Variants in PID1 observed in about 807,000 individuals in gnomAD.
The protein encoded by PID1 is PTB-containing, cubilin and LRP1-interacting protein.
PID1 carries 10 observed loss-of-function variants against 19.1 expected under a neutral mutation model. The ratio of observed to expected loss-of-function variants is 0.52; its 90% CI spans 0.32 to 0.89. The LOEUF (loss-of-function observed/expected upper bound fraction) is 0.89, where lower values mean the gene tolerates loss of function less well. PID1 is among the 40% of genes least tolerant of loss of function. PID1 has a pLI of 0.03. For synonymous variants in PID1, 130 were observed against 116.0 expected, an observed-to-expected ratio of 1.12 and a Z score of -0.78; for missense variants, 248 against 285.3, an observed-to-expected ratio of 0.87 and a Z score of 0.94.
chr2:229,159,430 G>A (rs2106199067), intron 1 of PID1, among the ~76,000 whole-genome samples: 1 of 152,238 alleles, frequency 6.6e-6, no homozygotes, highest in East Asian at 1.9e-4. Flanking sequence ...TAGATAATTA[G>A]GGCAAATTTG....
At chr2:229,241,584 A>C (rs1689871032) in intron 1 of PID1, among the ~76,000 whole-genome samples, 1 of 152,122 alleles carries the variant, frequency 6.6e-6, no homozygotes, top group African/African-American at 2.4e-5. Context: ...TTTCTTTATA[A>C]TTCTGAAAGC....
At chr2:229,204,868 C>T (rs1691575129) in intron 1 of PID1, among the ~76,000 whole-genome samples, 1 of 151,992 alleles carries the variant, frequency 6.6e-6, no homozygotes, top group Non-Finnish European at 1.5e-5. Flanking sequence ...TATCCAGGAG[C>T]CTAATGCTAC....
chr2:229,205,951 C>T (rs1172854790), intron 1 of PID1, among the ~76,000 whole-genome samples: 8 of 152,212 alleles, frequency 5.3e-5, no homozygotes, highest in African/African-American at 1.4e-4. Flanking sequence ...AGTGTTGTTT[C>T]GTAGAACCCA....
intron 2 of PID1, among the ~76,000 whole-genome samples, chr2:229,111,218 G>A (rs956430407): frequency 2.0e-4 from 30 of 152,096 alleles, no homozygotes; most frequent in Non-Finnish European, 4.1e-4. Flanking sequence ...TTTATTAGCA[G>A]TGAGAATGGA....
intron 2 of PID1, among the ~76,000 whole-genome samples, chr2:229,104,084 T>C (rs1239010120): frequency 1.3e-5 from 2 of 150,560 alleles, no homozygotes; most frequent in African/African-American, 5.0e-5. Flanking sequence ...TATTTGTTTA[T>C]TTTTTTACAA....
chr2:229,231,606 C>T (rs1692208965), intron 1 of PID1, among the ~76,000 whole-genome samples: 1 of 152,124 alleles, frequency 6.6e-6, no homozygotes, highest in South Asian at 2.1e-4. Flanking sequence ...GATCACTCCA[C>T]TGATACAGTA....
rs28626354 is a variant in PID1, at chr2:229,247,938, C to T, written c.30+23076G>A. On this transcript the variant is annotated intron_variant, in intron 1 of 2. Coordinates refer to ENST00000392055, the MANE Select transcript of PID1 (RefSeq NM_001100818.2). ...ATTCTCACTTATTCACTTTCTCCCA[C>T]CTCCTTCTCTTACTACTCCTCTTCC... Among the ~76,000 whole-genome samples, 905 of 152,222 alleles carry T rather than the reference C, an allele frequency of 5.9e-3. 10 individuals are homozygous for T. Among genetic ancestry groups the T allele is most frequent in the Non-Finnish European group, 6.1e-3 (417 of 68,006 alleles).
At chr2:229,119,274 G>A (rs188438476) in intron 2 of PID1, among the ~76,000 whole-genome samples, 14 of 152,218 alleles carry the variant, frequency 9.2e-5, no homozygotes, top group East Asian at 7.7e-4. Flanking sequence ...TTACAATCAG[G>A]AAACTAAATA....
intron 1 of PID1, among the ~76,000 whole-genome samples, chr2:229,181,398 T>TA: frequency 6.6e-6 from 1 of 151,766 alleles, no homozygotes; most frequent in Non-Finnish European, 1.5e-5. Context: ...AAAAAAAAGA[T>TA]ATAGCTCAGG....
At chr2:229,028,560 C>T (rs535800438) in intron 2 of PID1, among the ~76,000 whole-genome samples, 1 of 152,252 alleles carries the variant, frequency 6.6e-6, no homozygotes, top group South Asian at 2.1e-4. Context: ...GGAATACATA[C>T]AGAACACCTA....
At chr2:229,186,730 C>A (rs1691141002) in intron 1 of PID1, among the ~76,000 whole-genome samples, 1 of 152,212 alleles carries the variant, frequency 6.6e-6, no homozygotes, top group Admixed American at 6.5e-5. Flanking sequence ...GAGACATTTT[C>A]CCCATTGTCT....
chr2:229,044,212 C>T (rs900169479), intron 2 of PID1, among the ~76,000 whole-genome samples: 1 of 152,000 alleles, frequency 6.6e-6, no homozygotes, highest in African/African-American at 2.4e-5. Flanking sequence ...GCTGGTGTAC[C>T]TGGGTGTTCC....
At chr2:229,180,089 A>T (rs2106217702) in intron 1 of PID1, among the ~76,000 whole-genome samples, 1 of 152,230 alleles carries the variant, frequency 6.6e-6, no homozygotes. Context: ...ACAGGTCCCA[A>T]ATCTGAAGTC....
chr2:229,183,878 CTATATA>C lies in PID1; in HGVS notation c.31-27920_31-27915del, dbSNP rs148369137. 6.1e-3 allele frequency among the ~76,000 whole-genome samples: 114 copies of C among 18,720 alleles called. 47 individuals are homozygous for C. The highest frequency in any genetic ancestry group is 0.031 in the African/African-American group (77 of 2,504). 12.3% of individuals were successfully genotyped at this position (18,720 alleles called of 152,430 possible). On this transcript the variant is annotated intron_variant, in intron 1 of 2. Transcript: ENST00000392055. Reference sequence around the variant, plus strand: ...CTCTCTCTCCTCACTCTCTCTCTTTCTATATATATATATATATATATATATATATAT... The same window carrying C: ...CTCTCTCTCCTCACTCTCTCTCTTTCTATATATATATATATATATATATAT...
chr2:229,166,343 A>G lies in PID1; in HGVS notation c.31-10379T>C, dbSNP rs562189287. On this transcript the variant is annotated intron_variant, in intron 1 of 2. Transcript: ENST00000392055. ...AGAGGAGAGTGAGGTACATGAAGAA[A>G]GCTTTGTGGCGATGGTCTCATGCAG... Among the ~76,000 whole-genome samples, 6 of 152,346 alleles carry G rather than the reference A, an allele frequency of 3.9e-5. No individual in the cohort carries two copies. The South Asian group carries it at 1.0e-3, about 26-fold the overall frequency.
intron 1 of PID1, among the ~76,000 whole-genome samples, chr2:229,244,671 C>T (rs1689955642): frequency 6.6e-6 from 1 of 152,084 alleles, no homozygotes; most frequent in Admixed American, 6.6e-5. Flanking sequence ...TTATTACAAA[C>T]ACAAGATACC....
chr2:229,200,284 A>G lies in PID1; in HGVS notation c.31-44320T>C, dbSNP rs140897371. ...GGTAGGCACATCGCTTTGCCTCTCT[A>G]TTCTTCAGAGGAGCCAATCAAGTGA... On this transcript the variant is annotated intron_variant, in intron 1 of 2. Coordinates refer to ENST00000392055, the MANE Select transcript of PID1 (RefSeq NM_001100818.2). Among the ~76,000 whole-genome samples the G allele has an allele frequency of 6.9e-3, 1,046 of 152,126 alleles. 16 individuals are homozygous for G. Among genetic ancestry groups the G allele is most frequent in the African/African-American group, 0.024 (993 of 41,510 alleles).
At chr2:229,257,344 T>C (rs1221100429) in intron 1 of PID1, among the ~76,000 whole-genome samples, 3 of 151,414 alleles carry the variant, frequency 2.0e-5, no homozygotes. Flanking sequence ...TAGCCTACCA[T>C]TTCTCTCTCT....
chr2:229,227,469 A>C (rs1419914514), intron 1 of PID1, among the ~76,000 whole-genome samples: 4 of 152,196 alleles, frequency 2.6e-5, no homozygotes, highest in African/African-American at 9.6e-5. Flanking sequence ...AGCTATCACA[A>C]TTTACTGAAG....
Sources: allele counts gnomAD v4.1 joint callset (sites outside exome capture counted in the v4.1 genomes callset), GRCh38; gene constraint gnomAD v4.1.1; transcripts MANE v1.5; gene names NCBI Gene and HGNC (gene_info 2026-07-23, HGNC 2026-07-21).